ARHGEF28: variants seen among roughly 807,000 people sequenced by gnomAD.
ARHGEF28 encodes the protein 190 kDa guanine nucleotide exchange factor.
A neutral mutation model predicts 206.6 loss-of-function variants in ARHGEF28; 152 were observed. The observed-to-expected ratio is 0.74, with a 90% CI of 0.64 to 0.84. ARHGEF28 has a LOEUF of 0.84. Ranked by LOEUF, ARHGEF28 falls within the 40% of genes least tolerant of loss-of-function variation. ARHGEF28 has a pLI of 0.00. For missense variants in ARHGEF28, 2,028 were observed against 2,073.2 expected (o/e 0.98, Z 0.42); for synonymous variants, 763 against 776.4 (o/e 0.98, Z 0.29).
chr5:73,749,396 G>A (rs1373099678), intron 2 of ARHGEF28, among the ~76,000 whole-genome samples: 1 of 152,174 alleles, frequency 6.6e-6, no homozygotes, highest in African/African-American at 2.4e-5. Context: ...GCTGGGTGTG[G>A]TGGCACATCC....
Position 73,923,120 on chromosome 5 carries a change from C to T in ARHGEF28, c.4948+11545C>T, listed in dbSNP as rs1172582043. The T allele has an allele frequency of 3.3e-6, 5 of 1,535,760 alleles. No individual in the cohort carries two copies. The Admixed American group carries it at 9.8e-5, about 30-fold the overall frequency. ...ATGACAAAGTGCAGTTGTACGTTGA[C>T]ATCTCCCCCGGGACTGTGGACTGGA... On this transcript the variant is annotated intron_variant, in intron 35 of 35. Coordinates refer to ENST00000513042, the MANE Select transcript of ARHGEF28 (RefSeq NM_001177693.2).
chr5:73,736,789 C>T (rs1016426463), intron 2 of ARHGEF28, among the ~76,000 whole-genome samples: 2 of 144,928 alleles, frequency 1.4e-5, no homozygotes, highest in Non-Finnish European at 3.0e-5. Flanking sequence ...AGGTACCTGC[C>T]ATGGTAAGGT....
At chr5:73,928,929 T>TTTTA (rs146731636) in intron 35 of ARHGEF28, among the ~76,000 whole-genome samples, 43 of 152,066 alleles carry the variant, frequency 2.8e-4, no homozygotes, top group East Asian at 7.7e-4. Context: ...TCTGACTTCT[T>TTTTA]TTTATTTATT....
At chr5:73,928,254 A>G (rs867240675) in intron 35 of ARHGEF28, among the ~76,000 whole-genome samples, 5 of 152,188 alleles carry the variant, frequency 3.3e-5, no homozygotes, top group Admixed American at 6.5e-5. Flanking sequence ...CGTCTCTACT[A>G]AAAATACAAA....
rs375995353 is a variant in ARHGEF28 at position 73,819,194 on chromosome 5, A to G, written c.1025-13144A>G. Among the ~76,000 whole-genome samples the G allele has an allele frequency of 8.1e-4, 123 of 152,344 alleles. 1 individual carries two copies. In the South Asian group the frequency reaches 0.024, roughly 30 times the overall value. ...GCCTAGCCTTGTGGCCTGTTGATTC[A>G]TGGCGATACAGAAATGCAGAGAGGT... is the stretch of plus-strand genomic sequence containing the variant. On this transcript the variant is annotated intron_variant, in intron 9 of 35. Transcript: ENST00000513042.
chr5:73,718,450 C>A (rs1749721405), intron 2 of ARHGEF28, among the ~76,000 whole-genome samples: 1 of 152,224 alleles, frequency 6.6e-6, no homozygotes, highest in Non-Finnish European at 1.5e-5. Flanking sequence ...CTGCACCTTT[C>A]CAGGATGGTT....
At chr5:73,717,883 T>G (rs753159747) in intron 2 of ARHGEF28, among the ~76,000 whole-genome samples, 30 of 151,974 alleles carry the variant, frequency 2.0e-4, no homozygotes, top group East Asian at 5.8e-4. Flanking sequence ...TTGTCTTTTT[T>G]TGTGTGTGTG....
At chr5:73,710,324 C>T (rs1162010954) in intron 2 of ARHGEF28, among the ~76,000 whole-genome samples, 4 of 152,166 alleles carry the variant, frequency 2.6e-5, no homozygotes, top group African/African-American at 9.7e-5. Context: ...AGTATCTTTT[C>T]ATATGCTTAC....
At chr5:73,795,633 CTGAGCCAGAAG>C in intron 9 of ARHGEF28, 2 of 411,994 alleles carry the variant, frequency 4.9e-6, no homozygotes, top group South Asian at 4.0e-5. Context: ...CAGTTTTACT[CTGAGCCAGAAG>C]CTGGCTCTGG....
intron 13 of ARHGEF28, among the ~76,000 whole-genome samples, chr5:73,852,186 TTA>T (rs1758745404): frequency 6.6e-6 from 1 of 152,208 alleles, no homozygotes; most frequent in African/African-American, 2.4e-5. Flanking sequence ...TGCTAGGATT[TTA>T]TGAGGACATT....
chr5:73,760,737 G>A (rs1752557343), intron 4 of ARHGEF28, among the ~76,000 whole-genome samples: 1 of 152,084 alleles, frequency 6.6e-6, no homozygotes. Context: ...TTTTCTGGCA[G>A]TAAAGAATTT....
intron 9 of ARHGEF28, among the ~76,000 whole-genome samples, chr5:73,809,532 GAC>G (rs1580648184): frequency 6.6e-6 from 1 of 152,176 alleles, no homozygotes; most frequent in East Asian, 1.9e-4. Flanking sequence ...AAAAATGTAA[GAC>G]ACAGTTCTTG....
intron 1 of ARHGEF28, among the ~76,000 whole-genome samples, chr5:73,654,479 C>A (rs913793922): frequency 6.6e-6 from 1 of 152,118 alleles, no homozygotes; most frequent in Admixed American, 6.5e-5. Flanking sequence ...AATCTTTAGT[C>A]GTGGGCCTCA....
At chr5:73,651,438 G>A (rs1157035035) in intron 1 of ARHGEF28, among the ~76,000 whole-genome samples, 1 of 152,204 alleles carries the variant, frequency 6.6e-6, no homozygotes, top group Admixed American at 6.5e-5. Flanking sequence ...AACCAAACAT[G>A]TTGTTTTACT....
chr5:73,891,723 C>A (rs1014079159), intron 26 of ARHGEF28, among the ~76,000 whole-genome samples: 1 of 152,050 alleles, frequency 6.6e-6, no homozygotes, highest in African/African-American at 2.4e-5. Flanking sequence ...TGGGGTTTCA[C>A]CACATTGGCC....
At position 73,857,584 on chromosome 5, in the gene ARHGEF28, C is replaced by G; in HGVS notation, c.1791-72C>G. Reference sequence around the variant, plus strand: ...ATGTGTACACACACACACACACACACACATACACACACACGTATATGCTAT... The same window carrying G: ...ATGTGTACACACACACACACACACAGACATACACACACACGTATATGCTAT... On this transcript the variant is annotated intron_variant, in intron 14 of 35. Coordinates refer to ENST00000513042, the MANE Select transcript of ARHGEF28 (RefSeq NM_001177693.2). The G allele has an allele frequency of 2.5e-6, 3 of 1,212,134 alleles. No individual in the cohort carries two copies. The South Asian group carries it at 4.3e-5, about 18-fold the overall frequency. 75.1% of individuals were successfully genotyped at this position (1,212,134 alleles called of 1,614,324 possible).
intron 31 of ARHGEF28, 22 bp from the exon 32 acceptor site, chr5:73,904,200 T>C (rs781226336): frequency 6.2e-7 from 1 of 1,612,374 alleles, no homozygotes; most frequent in Non-Finnish European, 8.5e-7. Context: ...TTATTCATTT[T>C]CTTGTTTTTT....
At chr5:73,765,447 G>A (rs1003173497) in intron 4 of ARHGEF28, among the ~76,000 whole-genome samples, 1 of 152,222 alleles carries the variant, frequency 6.6e-6, no homozygotes, top group Admixed American at 6.5e-5. Context: ...AATCACAAGA[G>A]TAATCAGTCA....
chr5:73,922,976 G>A, intron 35 of ARHGEF28: 2 of 1,022,108 alleles, frequency 2.0e-6, no homozygotes, highest in Non-Finnish European at 2.9e-6. Flanking sequence ...CAAATGCAAA[G>A]TACTTTTCAT....
Sources: gnomAD v4.1 joint callset for allele counts (sites outside exome capture counted in the v4.1 genomes callset) on GRCh38, gnomAD v4.1.1 for gene constraint, MANE v1.5 for transcripts, NCBI Gene and HGNC (gene_info 2026-07-23, HGNC 2026-07-21) for gene names.